The following GMPS variants were observed in gnomAD, a reference collection of about 807,000 sequenced individuals.
GMPS encodes GMP synthase [glutamine-hydrolyzing].
In GMPS, 15 loss-of-function variants were observed where a neutral mutation model predicts 77.9. The observed-to-expected ratio is 0.19, with a 90% CI of 0.13 to 0.30. The LOEUF (loss-of-function observed/expected upper bound fraction) is 0.30. Among genes scored for constraint, GMPS ranks in the 10% least tolerant of loss-of-function variants. The pLI, the probability that GMPS is intolerant of heterozygous loss-of-function variation, is 1.00. For synonymous variants in GMPS, 224 were observed against 275.9 expected, an observed-to-expected ratio of 0.81 and a Z score of 1.86; for missense variants, 590 against 838.8, an observed-to-expected ratio of 0.70 and a Z score of 3.66.
chr3:155,891,454 G>A (rs1457535432), intron 1 of GMPS, among the ~76,000 whole-genome samples: 2 of 152,178 alleles, frequency 1.3e-5, no homozygotes, highest in Admixed American at 1.3e-4. Flanking sequence ...AAAGGACAAA[G>A]TTGTAGTTTG....
intron 4 of GMPS, among the ~76,000 whole-genome samples, chr3:155,905,040 C>T (rs778415758): frequency 4.0e-5 from 6 of 151,094 alleles, no homozygotes; most frequent in Non-Finnish European, 8.8e-5. Flanking sequence ...TTTTTTGAGA[C>T]GGAGTCTCAC....
At chr3:155,874,907 T>C (rs1024187493) in intron 1 of GMPS, among the ~76,000 whole-genome samples, 7 of 138,606 alleles carry the variant, frequency 5.1e-5, no homozygotes, top group African/African-American at 1.4e-4. Flanking sequence ...TTTTCTTTTT[T>C]TTTTTTTTTT....
At chr3:155,888,006 C>G (rs1167268330) in intron 1 of GMPS, among the ~76,000 whole-genome samples, 1 of 152,058 alleles carries the variant, frequency 6.6e-6, no homozygotes, top group African/African-American at 2.4e-5. Flanking sequence ...CAACTTCATT[C>G]AGTGTTATGT....
chr3:155,877,790 T>A (rs1161769507), intron 1 of GMPS, among the ~76,000 whole-genome samples: 1 of 126,320 alleles, frequency 7.9e-6, no homozygotes, highest in African/African-American at 2.9e-5. Context: ...TGTCCTCACC[T>A]TGGGGCCTTT....
chr3:155,937,417 A>G (rs1244679547), intron 15 of GMPS, among the ~76,000 whole-genome samples, 174 bp from the exon 16 acceptor site: 2 of 152,252 alleles, frequency 1.3e-5, no homozygotes, highest in African/African-American at 4.8e-5. Flanking sequence ...ACTTACACCT[A>G]TCCCTGCAGA....
At position 155,874,801 on chromosome 3, in the gene GMPS, G is replaced by A. The variant is rs543937492; in HGVS notation, c.27+3904G>A. Among the ~76,000 whole-genome samples the A allele has an allele frequency of 2.0e-5, 3 of 151,106 alleles. No individual in the cohort carries two copies. The South Asian group carries it at 6.3e-4, about 32-fold the overall frequency. On this transcript the variant is annotated intron_variant, in intron 1 of 15. Coordinates refer to ENST00000496455, the MANE Select transcript of GMPS (RefSeq NM_003875.3). ...TATTTGATACTTTTTTAAGGTTAAT[G>A]AATTACATTCCAAAGGATGTTGTTT... is the stretch of plus-strand genomic sequence containing the variant.
At chr3:155,895,622 A>G (rs1208781565) in intron 2 of GMPS, 1 of 152,116 alleles carries the variant, frequency 6.6e-6, no homozygotes, top group Non-Finnish European at 1.5e-5. Flanking sequence ...ACCTATTTTT[A>G]GAAGCTTGAT....
chr3:155,891,402 G>T (rs904696904), intron 1 of GMPS, among the ~76,000 whole-genome samples: 2 of 152,130 alleles, frequency 1.3e-5, no homozygotes, highest in South Asian at 4.1e-4. Flanking sequence ...CCATGAAGGG[G>T]TGTGTGTATG....
intron 3 of GMPS, among the ~76,000 whole-genome samples, chr3:155,899,454 T>C (rs552185763): frequency 6.6e-6 from 1 of 151,862 alleles, no homozygotes; most frequent in South Asian, 2.1e-4. Flanking sequence ...TCAATTACTT[T>C]GTTTTTAGAG....
rs749172611 is a variant in GMPS at position 155,873,421 on chromosome 3, C to T, written c.27+2524C>T. On this transcript the variant is annotated intron_variant, in intron 1 of 15. Transcript: ENST00000496455. ...CTGGAAGTACAGGCGTGGATCACCC[C>T]GCCCTGCTAATTTTTATTTTTTGTA... Among the ~76,000 whole-genome samples the T allele has an allele frequency of 4.0e-5, 6 of 151,374 alleles. No homozygotes were observed. The East Asian group carries it at 7.8e-4, about 20-fold the overall frequency.
intron 1 of GMPS, among the ~76,000 whole-genome samples, chr3:155,893,046 C>T (rs1198592824): frequency 6.6e-6 from 1 of 152,234 alleles, no homozygotes; most frequent in Non-Finnish European, 1.5e-5. Flanking sequence ...ACTCTAGTGT[C>T]AAACTTCTAG....
At chr3:155,911,358 A>G in intron 7 of GMPS, 79 bp downstream of exon 7, 1 of 824,714 alleles carries the variant, frequency 1.2e-6, no homozygotes, top group East Asian at 2.8e-5. Context: ...TTAAATGAGC[A>G]CAATTACAGT....
intron 3 of GMPS, among the ~76,000 whole-genome samples, chr3:155,899,243 C>G (rs985805039): frequency 6.6e-6 from 1 of 152,144 alleles, no homozygotes; most frequent in Non-Finnish European, 1.5e-5. Context: ...TGGCGCATGA[C>G]TGTAATCCCA....
At chr3:155,934,553 C>G (rs1000586884) in intron 13 of GMPS, among the ~76,000 whole-genome samples, 3 of 152,196 alleles carry the variant, frequency 2.0e-5, no homozygotes. Context: ...AACTTGATTA[C>G]ATTTGCAAAG....
intron 1 of GMPS, among the ~76,000 whole-genome samples, chr3:155,891,177 A>G (rs1314040674): frequency 6.6e-6 from 1 of 152,206 alleles, no homozygotes; most frequent in African/African-American, 2.4e-5. Context: ...GGGGACTGGT[A>G]ATTAACTAAA....
rs775693399 is a variant in GMPS, at chr3:155,937,771, G to A, written c.*79G>A. ...ATTCCCATTATTGACATGCAGTACT[G>A]TGAAAAGAGTTACTGGAGCAGCTAC... is the stretch of plus-strand genomic sequence containing the variant. On this transcript the variant is annotated 3_prime_UTR_variant, in exon 16 of 16. Transcript: ENST00000496455. 188 of 720,730 alleles carry A rather than the reference G, an allele frequency of 2.6e-4. No homozygotes were observed. The highest frequency in any genetic ancestry group is 4.0e-4 in the Non-Finnish European group (162 of 405,364). The allele number at this position is 720,730 out of a possible 1,614,324, so 44.6% of individuals were successfully genotyped here.
chr3:155,936,487 C>A lies in GMPS; in HGVS notation c.1957C>A (p.Pro653Thr). ...CTTCATGACTGGTATACCTGCAACACCTGGCAATGAGATCCCTGTAGAGGT... is the reference window on the plus strand; with the variant it reads ...CTTCATGACTGGTATACCTGCAACAACTGGCAATGAGATCCCTGTAGAGGT... ...SDFMTGIPAT[P>T]GNEIPVEVVL... Residue 653 changes from proline to threonine, a missense_variant, in exon 15 of 16, where the codon CCT (proline) becomes ACT (threonine). By Grantham distance (38) the Pro-to-Thr change is conservative. This residue lies in a region of GMPS where 73 missense variants were observed against 170.5 expected (regional missense o/e 0.43). Coordinates refer to ENST00000496455, the MANE Select transcript of GMPS (RefSeq NM_003875.3). 1 of 1,603,886 alleles carries A rather than the reference C, an allele frequency of 6.2e-7. No homozygotes were observed. The highest frequency in any genetic ancestry group is 8.5e-7 in the Non-Finnish European group (1 of 1,170,786).
chr3:155,897,640 A>G (rs542496059), intron 2 of GMPS, among the ~76,000 whole-genome samples: 5 of 152,342 alleles, frequency 3.3e-5, no homozygotes, highest in South Asian at 4.1e-4. Context: ...ATCCATGCTA[A>G]GTATCACAGA....
At chr3:155,910,242 G>A (rs939607893) in intron 5 of GMPS, among the ~76,000 whole-genome samples, 3 of 151,846 alleles carry the variant, frequency 2.0e-5, no homozygotes, top group Non-Finnish European at 2.9e-5. Flanking sequence ...GCGAGACTCC[G>A]TCTCAAAACA....
Sources: gnomAD v4.1 joint callset for allele counts (sites outside exome capture counted in the v4.1 genomes callset) on GRCh38, gnomAD v4.1.1 for gene constraint, gnomAD v4.1.1 regional missense constraint, MANE v1.5 for transcripts, NCBI Gene and HGNC (gene_info 2026-07-23, HGNC 2026-07-21) for gene names.